The following FLYWCH2 variants were observed in gnomAD, a reference collection of about 807,000 sequenced individuals.
FLYWCH2 encodes FLYWCH family member 2.
In FLYWCH2, 2 loss-of-function variants were observed where a neutral mutation model predicts 6.0. The observed-to-expected ratio is 0.33, with a 90% CI of 0.14 to 1.04. The LOEUF (loss-of-function observed/expected upper bound fraction) is 1.04, where lower values mean the gene tolerates loss of function less well. Among genes scored for constraint, FLYWCH2 ranks in the 50% least tolerant of loss-of-function variants. FLYWCH2 has a pLI of 0.45. For synonymous variants in FLYWCH2, 87 were observed against 79.3 expected (o/e 1.10, Z -0.52); for missense variants, 192 against 183.4 (o/e 1.05, Z -0.27).
intron 1 of FLYWCH2, among the ~76,000 whole-genome samples, chr16:2,890,870 A>T (rs1330306284): frequency 6.6e-6 from 1 of 152,080 alleles, no homozygotes; most frequent in South Asian, 2.1e-4. Flanking sequence ...CCCAGCCCAG[A>T]TTGTCATCTT....
intron 1 of FLYWCH2, among the ~76,000 whole-genome samples, chr16:2,887,998 T>TTTTGTTTG (rs3066091): frequency 0.22 from 33,369 of 151,130 alleles, 4,112 homozygotes; most frequent in Middle Eastern, 0.28. Context: ...TGTGTCTGTG[T>TTTTGTTTG]TTTGTTTGTT....
In FLYWCH2 at chr16:2,899,198, C is replaced by A. The variant is rs1387597607; in HGVS notation, c.*49C>A. 3 of 1,412,338 alleles carry A rather than the reference C, an allele frequency of 2.1e-6. No individual in the cohort carries two copies. The highest frequency in any genetic ancestry group is 1.4e-5 in the African/African-American group (1 of 69,226). The allele number at this position is 1,412,338 out of a possible 1,614,324, so 87.5% of individuals were successfully genotyped here. A position where few individuals can be genotyped will look rare whatever the true frequency, so the allele number is the denominator to read the frequency against. On this transcript the variant is annotated 3_prime_UTR_variant, in exon 4 of 4. Transcript: ENST00000396958. ...CAGGCCACCAACCCAGCCATAGGCT[C>A]TTCTCTGTCCGCAGGGCTTCTGGGG...
chr16:2,883,913 G>A (rs1400892596), intron 1 of FLYWCH2, among the ~76,000 whole-genome samples: 1 of 152,252 alleles, frequency 6.6e-6, no homozygotes, highest in East Asian at 1.9e-4. Flanking sequence ...GGAAGGAGCT[G>A]CCATGGCTGA....
At chr16:2,887,239 T>C (rs1324822240) in intron 1 of FLYWCH2, among the ~76,000 whole-genome samples, 1 of 151,242 alleles carries the variant, frequency 6.6e-6, no homozygotes, top group Non-Finnish European at 1.5e-5. Flanking sequence ...TCCGCCCCAC[T>C]GGCTTAAGCA....
intron 1 of FLYWCH2, among the ~76,000 whole-genome samples, chr16:2,890,218 TTTTG>T (rs2069740173): frequency 9.4e-6 from 1 of 106,802 alleles, no homozygotes; most frequent in Non-Finnish European, 2.1e-5. Context: ...GTGTGTGTTT[TTTTG>T]TTTTTGTTTT....
rs2069855713 is a variant in FLYWCH2 at position 2,899,142 on chromosome 16, C to T, written c.416C>T (p.Ser139Phe). The change falls in exon 4 of 4, where the codon TCC (serine) becomes TTC (phenylalanine). Residue 139 changes from serine (S) to phenylalanine (F), a missense_variant. Transcript: ENST00000396958. ...FAPCSVAPGK[S>F]L ...CCCTGCTCTGTGGCGCCCGGCAAGT[C>T]CCTGTAACCTTGACAACAGGCGCAT... 1 of 1,612,634 alleles carries T rather than the reference C, an allele frequency of 6.2e-7. No homozygotes were observed. Among genetic ancestry groups the T allele is most frequent in the Non-Finnish European group, 8.5e-7 (1 of 1,179,334 alleles).
chr16:2,886,723 GT>G (rs2069703213), intron 1 of FLYWCH2, among the ~76,000 whole-genome samples: 1 of 151,554 alleles, frequency 6.6e-6, no homozygotes, highest in Non-Finnish European at 1.5e-5. Flanking sequence ...GTTTCTCCAT[GT>G]TGGTCAGGCT....
intron 1 of FLYWCH2, among the ~76,000 whole-genome samples, chr16:2,889,549 A>G (rs1316511252): frequency 2.2e-5 from 1 of 46,402 alleles, no homozygotes; most frequent in Non-Finnish European, 6.2e-5. Context: ...GAAAGACTAT[A>G]TTAAAAAAAA....
At chr16:2,896,150 A>G (rs1410880538) in intron 2 of FLYWCH2, among the ~76,000 whole-genome samples, 1 of 152,164 alleles carries the variant, frequency 6.6e-6, no homozygotes, top group African/African-American at 2.4e-5. Context: ...AGATGGGGAA[A>G]GTGGGGTTGG....
chr16:2,884,965 C>T (rs537472672), intron 1 of FLYWCH2, among the ~76,000 whole-genome samples: 1 of 152,104 alleles, frequency 6.6e-6, no homozygotes, highest in East Asian at 1.9e-4. Context: ...CTCAATTTAC[C>T]TTTTTCTGAA....
chr16:2,896,495 G>A lies in FLYWCH2; in HGVS notation c.46G>A (p.Ala16Thr). 9 of 1,614,006 alleles carry A rather than the reference G, an allele frequency of 5.6e-6. No homozygotes were observed. The highest frequency in any genetic ancestry group is 6.8e-6 in the Non-Finnish European group (8 of 1,179,946). The change falls in exon 3 of 4, where the codon GCC (alanine) becomes ACC (threonine). Residue 16 changes from alanine to threonine, a missense_variant. By Grantham distance (58) the Ala-to-Thr change is moderately conservative (BLOSUM62 0). Coordinates refer to ENST00000396958, the MANE Select transcript of FLYWCH2 (RefSeq NM_138439.3). ...CGAGCAGGAGGGTGAGAGTGTGAAG[G>A]CCAGCCAGGAGCCATCCCCCAAGCC... ...PSEQEGESVKASQEPSPKPGT... is the reference protein window; with the variant it reads ...PSEQEGESVKTSQEPSPKPGT...
chr16:2,892,801 G>A (rs113110660), intron 1 of FLYWCH2, among the ~76,000 whole-genome samples: 4,513 of 146,496 alleles, frequency 0.031, 210 homozygotes, highest in African/African-American at 0.11. Flanking sequence ...CCGAGATCAC[G>A]CCACTGCACT....
At chr16:2,896,792 C>T (rs1269136252) in intron 3 of FLYWCH2, 21 bp downstream of exon 3, 12 of 1,600,854 alleles carry the variant, frequency 7.5e-6, no homozygotes, top group Non-Finnish European at 1.0e-5. Context: ...ACAGCGGCCC[C>T]CCAGGACAGC....
Position 2,899,240 on chromosome 16 carries a change from T to A in FLYWCH2, c.*91T>A, listed in dbSNP as rs1473483442. 5.5e-6 allele frequency: 4 copies of A among 725,050 alleles called. No homozygotes were observed. The highest frequency in any genetic ancestry group is 8.7e-6 in the Non-Finnish European group (4 of 459,686). 44.9% of individuals were successfully genotyped at this position (725,050 alleles called of 1,614,324 possible). On this transcript the variant is annotated 3_prime_UTR_variant, in exon 4 of 4. Transcript: ENST00000396958. ...CTTCTGGGGCCAAATGGGTGAATCTTTGCTTTTAACATTGTGTGATTTCTT... is the reference window on the plus strand; with the variant it reads ...CTTCTGGGGCCAAATGGGTGAATCTATGCTTTTAACATTGTGTGATTTCTT...
chr16:2,899,121 G>A lies in FLYWCH2; in HGVS notation c.395G>A (p.Cys132Tyr), dbSNP rs149108052. ...GCTGCTGGGGAGAACTTTGCCCCCTGCTCTGTGGCGCCCGGCAAGTCCCTG... is the reference window on the plus strand; with the variant it reads ...GCTGCTGGGGAGAACTTTGCCCCCTACTCTGTGGCGCCCGGCAAGTCCCTG... Reference protein sequence around the residue: ...PEAAGENFAPCSVAPGKSL With the variant: ...PEAAGENFAPYSVAPGKSL The change falls in exon 4 of 4, where the codon TGC becomes TAC. Residue 132 changes from cysteine (C) to tyrosine (Y), a missense_variant. Transcript: ENST00000396958. 1.2e-6 allele frequency: 2 copies of A among 1,613,412 alleles called. No homozygotes were observed. The highest frequency in any genetic ancestry group is 2.7e-5 in the African/African-American group (2 of 74,858).
rs377269240 is a variant in FLYWCH2, at chr16:2,899,002, C to G, written c.323-47C>G. 21 of 1,517,566 alleles carry G rather than the reference C, an allele frequency of 1.4e-5. 1 individual carries two copies. In the Admixed American group the frequency reaches 3.1e-4, roughly 22 times the overall value. 94.0% of individuals were successfully genotyped at this position (1,517,566 alleles called of 1,614,324 possible). ...AGACCCCCAACAGCCAAGCTGAGCC[C>G]TCCCATCTCCATTGACACCAGCCTG... On this transcript the variant is annotated intron_variant, in intron 3 of 3. Transcript: ENST00000396958.
At chr16:2,896,869 G>T in intron 3 of FLYWCH2, 98 bp downstream of exon 3, 3 of 1,183,856 alleles carry the variant, frequency 2.5e-6, no homozygotes, top group Non-Finnish European at 3.5e-6. Flanking sequence ...CTGGCATGCG[G>T]GTCCTTGTTC....
chr16:2,898,212 G>A (rs1326823509), intron 3 of FLYWCH2, among the ~76,000 whole-genome samples: 2 of 152,290 alleles, frequency 1.3e-5, no homozygotes, highest in Non-Finnish European at 1.5e-5. Flanking sequence ...AGCTTTCAAG[G>A]AACCTAATGG....
chr16:2,887,099 T>TA (rs888006804), intron 1 of FLYWCH2, among the ~76,000 whole-genome samples: 1 of 151,798 alleles, frequency 6.6e-6, no homozygotes, highest in Admixed American at 6.6e-5. Flanking sequence ...GTTTTTCTTT[T>TA]AAAAAAAAGT....
Sources: allele counts gnomAD v4.1 joint callset (sites outside exome capture counted in the v4.1 genomes callset), GRCh38; gene constraint gnomAD v4.1.1; transcripts MANE v1.5; gene names NCBI Gene and HGNC (gene_info 2026-07-23, HGNC 2026-07-21).